PPP1R37: variants seen among roughly 807,000 people sequenced by gnomAD.
The protein encoded by PPP1R37 is leucine rich repeat containing 68.
PPP1R37 carries 21 observed loss-of-function variants against 61.0 expected under a neutral mutation model. The observed-to-expected ratio is 0.34, with a 90% confidence interval of 0.24 to 0.50. PPP1R37 has a LOEUF of 0.50. Among genes scored for constraint, PPP1R37 ranks in the 20% least tolerant of loss-of-function variants. PPP1R37 has a pLI of 0.98. For missense variants in PPP1R37, 910 were observed against 952.7 expected (o/e 0.96, Z 0.59); for synonymous variants, 443 against 433.5 (o/e 1.02, Z -0.27).
intron 1 of PPP1R37, among the ~76,000 whole-genome samples, chr19:45,124,626 C>T (rs1968378948): frequency 6.6e-6 from 1 of 152,026 alleles, no homozygotes; most frequent in African/African-American, 2.4e-5. Flanking sequence ...CAGTTCAGAG[C>T]CATCCCTGTC....
chr19:45,128,879 A>G, intron 1 of PPP1R37: 1 of 657,894 alleles, frequency 1.5e-6, no homozygotes, highest in South Asian at 1.5e-5. Context: ...GCTCCAGGAC[A>G]GCAGGGAGGT....
rs957444936 is a variant in PPP1R37, at chr19:45,146,809, A to AGGG, written c.*250_*252dup. 4.4e-6 allele frequency: 1 copy of AGGG among 227,180 alleles called. No individual in the cohort carries two copies. The highest frequency in any genetic ancestry group is 2.3e-5 in the African/African-American group (1 of 42,972). 14.1% of individuals were successfully genotyped at this position (227,180 alleles called of 1,614,324 possible). A position where few individuals can be genotyped will look rare whatever the true frequency, so the allele number is the denominator to read the frequency against. On this transcript the variant is annotated 3_prime_UTR_variant, in exon 13 of 13. Coordinates refer to ENST00000221462, the MANE Select transcript of PPP1R37 (RefSeq NM_019121.2). ...GAAGACTCTGGGGGTGAATGGGAGGAGGGGGAGCAGGAGGAGGAGGAGGTC... is the reference window on the plus strand; with the variant it reads ...GAAGACTCTGGGGGTGAATGGGAGGAGGGGGGGGAGCAGGAGGAGGAGGAGGTC...
intron 1 of PPP1R37, among the ~76,000 whole-genome samples, chr19:45,138,164 G>A (rs1365182855): frequency 6.6e-6 from 1 of 152,152 alleles, no homozygotes; most frequent in Non-Finnish European, 1.5e-5. Context: ...AGACATGGTG[G>A]TGACCAAGAC....
At position 45,143,340 on chromosome 19, in the gene PPP1R37, GGCCCAGGGGTCACAGATGTGT is replaced by G. The variant is rs568310880; in HGVS notation, c.875-170_875-150del. Reference sequence around the variant, plus strand: ...GTGGAGGCTGTCATCCAGGCACCCAGGCCCAGGGGTCACAGATGTGTGCCCAGGGGTGCCAGGCCGAGGCAG... The same window carrying G: ...GTGGAGGCTGTCATCCAGGCACCCAGGCCCAGGGGTGCCAGGCCGAGGCAG... On this transcript the variant is annotated intron_variant, in intron 7 of 12. Transcript: ENST00000221462. The G allele has an allele frequency of 1.5e-3, 825 of 546,178 alleles. 5 individuals are homozygous for G. The highest frequency in any genetic ancestry group is 0.014 in the African/African-American group (749 of 52,052). 33.8% of individuals were successfully genotyped at this position (546,178 alleles called of 1,614,324 possible). A position where few individuals can be genotyped will look rare whatever the true frequency, so the allele number is the denominator to read the frequency against.
At chr19:45,111,210 A>T (rs1968195722) in intron 1 of PPP1R37, among the ~76,000 whole-genome samples, 1 of 152,020 alleles carries the variant, frequency 6.6e-6, no homozygotes, top group Middle Eastern at 3.4e-3. Flanking sequence ...GCCTTTGCAC[A>T]TGCTGTTCTG....
chr19:45,124,254 A>G (rs2122733823), intron 1 of PPP1R37, among the ~76,000 whole-genome samples: 1 of 152,236 alleles, frequency 6.6e-6, no homozygotes, highest in East Asian at 1.9e-4. Flanking sequence ...TTGAAGAAGT[A>G]GTAAGCAGTG....
intron 8 of PPP1R37, 61 bp from the exon 9 acceptor site, chr19:45,144,793 G>C: frequency 7.2e-7 from 1 of 1,398,366 alleles, no homozygotes; most frequent in Non-Finnish European, 9.6e-7. Context: ...TCCTGACTTG[G>C]CCTCCTGGGT....
At chr19:45,143,792 T>C (rs1428688849) in intron 8 of PPP1R37, 159 bp downstream of exon 8, 3 of 531,836 alleles carry the variant, frequency 5.6e-6, no homozygotes, top group Non-Finnish European at 1.0e-5. Context: ...TCATTCAGCT[T>C]CTGTGCCTGT....
rs544656828 is a variant in PPP1R37, at chr19:45,094,050, G to A, written c.202+523G>A. 2.6e-5 allele frequency among the ~76,000 whole-genome samples: 4 copies of A among 152,360 alleles called. No individual in the cohort carries two copies. The East Asian group carries it at 7.7e-4, about 29-fold the overall frequency. On this transcript the variant is annotated intron_variant, in intron 1 of 12. Coordinates refer to ENST00000221462, the MANE Select transcript of PPP1R37 (RefSeq NM_019121.2). ...ACTATAAACTTGGACTGTGGCTATA[G>A]AGGACTTGGTAAAAAGGAGTCAAGA...
rs913954751 is a variant in PPP1R37 at position 45,093,343 on chromosome 19, G to A, written c.18G>A (p.Gln6=). The part of the protein sequence containing the change: MEIAP[Q]EAPPVPGADG... ...CGGCGGCTATGGAGATCGCGCCGCA[G>A]GAGGCGCCGCCCGTGCCGGGCGCGG... Residue 6 remains glutamine, a synonymous_variant, in exon 1 of 13, where the codon CAG becomes CAA. Coordinates refer to ENST00000221462, the MANE Select transcript of PPP1R37 (RefSeq NM_019121.2). 3.4e-6 allele frequency: 5 copies of A among 1,490,550 alleles called. No individual in the cohort carries two copies. Among genetic ancestry groups the A allele is most frequent in the East Asian group, 2.6e-5 (1 of 38,018 alleles). 92.3% of individuals were successfully genotyped at this position (1,490,550 alleles called of 1,614,324 possible).
chr19:45,126,429 G>A (rs886671106), intron 1 of PPP1R37, among the ~76,000 whole-genome samples: 2 of 152,184 alleles, frequency 1.3e-5, no homozygotes, highest in African/African-American at 2.4e-5. Flanking sequence ...TGCTGTTGGC[G>A]ACGGAGCAGG....
At chr19:45,117,808 G>GAGT (rs994685506) in intron 1 of PPP1R37, among the ~76,000 whole-genome samples, 13 of 152,368 alleles carry the variant, frequency 8.5e-5, no homozygotes, top group African/African-American at 2.6e-4. Context: ...GTTAGTCTTA[G>GAGT]AGTAGCACCT....
Position 45,093,374 on chromosome 19 carries a change from G to C in PPP1R37, c.49G>C (p.Asp17His), listed in dbSNP as rs1326132141. Reference protein sequence around the residue: ...EAPPVPGADGDIEEAPAEAGS... With the variant: ...EAPPVPGADGHIEEAPAEAGS... ...GCCGCCCGTGCCGGGCGCGGACGGC[G>C]ACATTGAAGAGGCCCCAGCTGAGGC... The change falls in exon 1 of 13, where the codon GAC (aspartate) becomes CAC (histidine). Residue 17 changes from aspartate (D) to histidine (H), a missense_variant. Asp to His is a moderately conservative substitution (Grantham distance 81, BLOSUM62 -1). Transcript: ENST00000221462. 1 of 1,514,606 alleles carries C rather than the reference G, an allele frequency of 6.6e-7. No individual in the cohort carries two copies. 93.8% of individuals were successfully genotyped at this position (1,514,606 alleles called of 1,614,324 possible).
rs1268169968 is a variant in PPP1R37 at position 45,121,044 on chromosome 19, C to T, written c.203-17470C>T. Among the ~76,000 whole-genome samples the T allele has an allele frequency of 6.6e-6, 1 of 152,154 alleles. No homozygotes were observed. Among genetic ancestry groups the T allele is most frequent in the African/African-American group, 2.4e-5 (1 of 41,418 alleles). ...GGAGATAATTTCTATTTCTCAGGGC[C>T]ATTAGGAAGTGGAAACGAGATCGAG... On this transcript the variant is annotated intron_variant, in intron 1 of 12. Transcript: ENST00000221462. The surrounding 1 kb of genome is among the most constrained non-coding windows in gnomAD (Gnocchi z 4.2).
intron 1 of PPP1R37, among the ~76,000 whole-genome samples, chr19:45,104,441 G>C (rs1968103919): frequency 1.3e-5 from 2 of 152,180 alleles, no homozygotes; most frequent in Admixed American, 1.3e-4. Context: ...GACAGTCAGG[G>C]AGCATGGGGT....
rs564403158 is a variant in PPP1R37 at position 45,120,726 on chromosome 19, G to A, written c.203-17788G>A. On this transcript the variant is annotated intron_variant, in intron 1 of 12. Transcript: ENST00000221462. ...CAACATCCGCCTCCCAGGTTCAAGC[G>A]ATTCTCCTCCCAAGTAGCTGGGATT... Among the ~76,000 whole-genome samples, 9 of 152,156 alleles carry A rather than the reference G, an allele frequency of 5.9e-5. No homozygotes were observed. In the East Asian group the frequency reaches 7.8e-4, roughly 13 times the overall value.
chr19:45,120,118 C>T (rs570729098), intron 1 of PPP1R37, among the ~76,000 whole-genome samples: 65 of 149,886 alleles, frequency 4.3e-4, no homozygotes, highest in South Asian at 2.1e-3. Context: ...CCCAGGTTCA[C>T]GCCATTCTCC....
chr19:45,143,345 A>AG (rs753652713), intron 7 of PPP1R37, 176 bp from the exon 8 acceptor site: 1 of 545,090 alleles, frequency 1.8e-6, no homozygotes, highest in Non-Finnish European at 3.3e-6. Context: ...ACCCAGGCCC[A>AG]GGGGTCACAG....
chr19:45,110,708 G>T (rs897890296), intron 1 of PPP1R37, among the ~76,000 whole-genome samples: 2 of 152,192 alleles, frequency 1.3e-5, no homozygotes, highest in African/African-American at 4.8e-5. Flanking sequence ...GACCTCTGAG[G>T]GTTGGTGGCA....
Sources: allele counts gnomAD v4.1 joint callset (sites outside exome capture counted in the v4.1 genomes callset), GRCh38; gene constraint gnomAD v4.1.1; non-coding constraint Gnocchi (gnomAD v3.1); transcripts MANE v1.5; gene names NCBI Gene and HGNC (gene_info 2026-07-23, HGNC 2026-07-21).